Variants in ATRX observed in about 807,000 individuals in gnomAD.
The protein encoded by ATRX is ATRX chromatin remodeler, also known as chromatin remodeler ATRX.
A neutral mutation model predicts 172.6 loss-of-function variants in ATRX; 12 were observed. The ratio of observed to expected loss-of-function variants is 0.07; its 90% CI spans 0.04 to 0.11. The LOEUF (loss-of-function observed/expected upper bound fraction) is 0.11. Ranked by LOEUF, ATRX falls within the 10% of genes least tolerant of loss-of-function variation. ATRX has a pLI of 1.00. For synonymous variants in ATRX, 674 were observed against 594.7 expected, an observed-to-expected ratio of 1.13 and a Z score of -1.94; for missense variants, 1,368 against 1,767.4, an observed-to-expected ratio of 0.77 and a Z score of 4.05.
At chrX:77,516,885 C>G (rs2063071285) in intron 34 of ATRX, among the ~76,000 whole-genome samples, 1 of 111,753 alleles carries the variant, frequency 8.9e-6, no homozygotes, top group Non-Finnish European at 1.9e-5. Flanking sequence ...AGTTTCTTCT[C>G]TGACCACAAT....
In ATRX at chrX:77,521,348, G is replaced by T; in HGVS notation, c.7071+55C>A. The T allele has an allele frequency of 3.2e-6, 3 of 942,895 alleles. No homozygotes were observed. In the Admixed American group the frequency reaches 6.7e-5, roughly 21 times the overall value. 77.7% of individuals were successfully genotyped at this position (942,895 alleles called of 1,213,427 possible). A position where few individuals can be genotyped will look rare whatever the true frequency, so the allele number is the denominator to read the frequency against. Reference sequence around the variant, plus strand: ...TTAAAAATTTAAAAAAATGGCAGTAGGGGGTGGAGGGTACAAATTGGAGGT... The same window carrying T: ...TTAAAAATTTAAAAAAATGGCAGTATGGGGTGGAGGGTACAAATTGGAGGT... On this transcript the variant is annotated intron_variant, in intron 33 of 34. Coordinates refer to ENST00000373344, the MANE Select transcript of ATRX (RefSeq NM_000489.6).
chrX:77,595,200 GCTAA>G (rs1461296272), intron 25 of ATRX: 2 of 111,258 alleles, frequency 1.8e-5, no homozygotes, highest in Non-Finnish European at 3.8e-5. Flanking sequence ...TATTTTGTAT[GCTAA>G]CTTTCCTCAG....
intron 2 of ATRX, among the ~76,000 whole-genome samples, chrX:77,701,999 G>C (rs781863557): frequency 9.0e-6 from 1 of 111,488 alleles, no homozygotes; most frequent in South Asian, 3.7e-4. Context: ...CCAGGGGGTA[G>C]AGGTTGCAGT....
At chrX:77,605,377 G>T (rs1242730755) in intron 22 of ATRX, among the ~76,000 whole-genome samples, 2 of 111,229 alleles carry the variant, frequency 1.8e-5, no homozygotes, top group Non-Finnish European at 3.8e-5. Context: ...GCAGTGAGCT[G>T]AGATCGCACC....
At chrX:77,612,942 C>T (rs1158799919) in intron 22 of ATRX, among the ~76,000 whole-genome samples, 2 of 111,929 alleles carry the variant, frequency 1.8e-5, no homozygotes, top group African/African-American at 6.5e-5. Context: ...CTTTATAAGG[C>T]TAATATTCCA....
intron 30 of ATRX, among the ~76,000 whole-genome samples, chrX:77,535,863 G>A (rs2063730393): frequency 1.9e-5 from 2 of 107,440 alleles, no homozygotes; most frequent in East Asian, 2.9e-4. Flanking sequence ...GATTACAGGC[G>A]CCTGCCACCA....
chrX:77,518,167 T>C (rs995214110), intron 34 of ATRX, among the ~76,000 whole-genome samples: 2 of 111,892 alleles, frequency 1.8e-5, no homozygotes, highest in Admixed American at 9.5e-5. Context: ...AAGTCATAGC[T>C]AGAGCAATCA....
In ATRX at chrX:77,703,869, T is replaced by C. The variant is rs193163959; in HGVS notation, c.134-5240A>G. 1.5e-3 allele frequency among the ~76,000 whole-genome samples: 165 copies of C among 111,297 alleles called. No individual in the cohort carries two copies. The South Asian group carries it at 0.018, about 12-fold the overall frequency. On this transcript the variant is annotated intron_variant, in intron 2 of 34. Transcript: ENST00000373344. ...GGTATCCCAACAAGTGTTCAGCTCCTAGCAGAGAGGGTGGTTCTTCTCTGC... is the reference window on the plus strand; with the variant it reads ...GGTATCCCAACAAGTGTTCAGCTCCCAGCAGAGAGGGTGGTTCTTCTCTGC...
chrX:77,712,443 A>AAC (rs1398087640), intron 2 of ATRX, among the ~76,000 whole-genome samples: 1 of 112,600 alleles, frequency 8.9e-6, no homozygotes, highest in Middle Eastern at 4.2e-3. Context: ...AGAAATACTG[A>AAC]ACTATAGTTA....
intron 30 of ATRX, among the ~76,000 whole-genome samples, chrX:77,550,975 C>G (rs1432862894): frequency 1.8e-5 from 2 of 111,521 alleles, no homozygotes; most frequent in East Asian, 2.8e-4. Context: ...AGGACACAAA[C>G]AAATGGAAGA....
intron 28 of ATRX, among the ~76,000 whole-genome samples, chrX:77,572,067 T>C (rs1361464878): frequency 8.9e-6 from 1 of 111,811 alleles, no homozygotes; most frequent in Non-Finnish European, 1.9e-5. Flanking sequence ...TCCTTGCTCT[T>C]TTCATTTTGT....
rs187537034 is a variant in ATRX at position 77,666,728 on chromosome X, C to T, written c.3810-1950G>A. Among the ~76,000 whole-genome samples the T allele has an allele frequency of 6.4e-3, 710 of 111,568 alleles. 9 individuals are homozygous for T. The highest frequency in any genetic ancestry group is 0.022 in the African/African-American group (672 of 30,729). On this transcript the variant is annotated intron_variant, in intron 10 of 34. Coordinates refer to ENST00000373344, the MANE Select transcript of ATRX (RefSeq NM_000489.6). ...TACGAAAATTAGCTGGGTGTGGTGG[C>T]GCATGCCTGTAATCCCAGCTACTCA... is the stretch of plus-strand genomic sequence containing the variant.
At chrX:77,704,716 G>A (rs1283022540) in intron 2 of ATRX, among the ~76,000 whole-genome samples, 1 of 112,552 alleles carries the variant, frequency 8.9e-6, no homozygotes, top group East Asian at 2.8e-4. Context: ...CCAAGCATGT[G>A]GATACCTGGC....
intron 30 of ATRX, among the ~76,000 whole-genome samples, chrX:77,551,265 G>A (rs2064498482): frequency 9.0e-6 from 1 of 111,645 alleles, no homozygotes; most frequent in Non-Finnish European, 1.9e-5. Flanking sequence ...TACCAAAACA[G>A]AGATATAGAC....
At chrX:77,592,078 A>G (rs1438000641) in intron 26 of ATRX, among the ~76,000 whole-genome samples, 3 of 111,969 alleles carry the variant, frequency 2.7e-5, no homozygotes, top group African/African-American at 9.7e-5. Flanking sequence ...TTTTAAACAT[A>G]AAAGATTATT....
At position 77,737,436 on chromosome X, in the gene ATRX, G is replaced by A. The variant is rs868935614; in HGVS notation, c.21-20193C>T. Among the ~76,000 whole-genome samples, 99 of 23,266 alleles carry A rather than the reference G, an allele frequency of 4.3e-3. 1 individual carries two copies. The highest frequency in any genetic ancestry group is 4.2e-3 in the Admixed American group (11 of 2,605). The allele number at this position is 23,266 out of a possible 115,157, so 20.2% of individuals were successfully genotyped here. A position where few individuals can be genotyped will look rare whatever the true frequency, so the allele number is the denominator to read the frequency against. On this transcript the variant is annotated intron_variant, in intron 1 of 34. Transcript: ENST00000373344. ...AGACTCTGTCTCCAAAAAAAAAAAA[G>A]GGGGGGGGGGGCCTAGTATTTGATG... is the stretch of plus-strand genomic sequence containing the variant.
Position 77,574,312 on chromosome X carries a change from A to G in ATRX, c.6264T>C (p.Gly2088=). The change falls in exon 28 of 35, where the codon GGT becomes GGC. Residue 2088 remains glycine (G), a synonymous_variant. Coordinates refer to ENST00000373344, the MANE Select transcript of ATRX (RefSeq NM_000489.6). ...TCTTCCTTGACTGTGCAGTAGTGGA[A>G]CCATCTAAACGGTAATAGTCAATGT... ...LRNIDYYRLD[G]STTAQSRKKW... The G allele has an allele frequency of 8.3e-7, 1 of 1,208,497 alleles. No individual in the cohort carries two copies. The highest frequency in any genetic ancestry group is 1.8e-5 in the South Asian group (1 of 56,774).
At chrX:77,521,551 A>G (rs2063232872) in intron 32 of ATRX, 53 bp from the exon 33 acceptor site, 4 of 970,535 alleles carry the variant, frequency 4.1e-6, no homozygotes, top group South Asian at 3.9e-5. Context: ...GCATAGTGTT[A>G]AAGTATAGGG....
At chrX:77,710,752 A>T (rs1419304223) in intron 2 of ATRX, among the ~76,000 whole-genome samples, 1 of 111,586 alleles carries the variant, frequency 9.0e-6, no homozygotes, top group Non-Finnish European at 1.9e-5. Context: ...CAAAATTTTC[A>T]AAATGGAAGA....
Sources: allele counts gnomAD v4.1 joint callset (sites outside exome capture counted in the v4.1 genomes callset), GRCh38; gene constraint gnomAD v4.1.1; transcripts MANE v1.5; gene names NCBI Gene and HGNC (gene_info 2026-07-23, HGNC 2026-07-21).